PRKAR1B: variants seen among roughly 807,000 people sequenced by gnomAD.
PRKAR1B encodes cAMP-dependent protein kinase type I-beta regulatory subunit.
PRKAR1B carries 22 observed loss-of-function variants against 46.5 expected under a neutral mutation model. The ratio of observed to expected loss-of-function variants is 0.47; its 90% CI spans 0.34 to 0.68. PRKAR1B has a LOEUF of 0.68. Ranked by LOEUF, PRKAR1B falls within the 30% of genes least tolerant of loss-of-function variation. The pLI, the probability that PRKAR1B is intolerant of heterozygous loss-of-function variation, is 0.01. For synonymous variants in PRKAR1B, 259 were observed against 217.7 expected (o/e 1.19, Z -1.67); for missense variants, 445 against 535.6 (o/e 0.83, Z 1.67).
intron 2 of PRKAR1B, among the ~76,000 whole-genome samples, chr7:693,553 T>G (rs1308745194): frequency 6.6e-6 from 1 of 152,214 alleles, no homozygotes; most frequent in Non-Finnish European, 1.5e-5. Flanking sequence ...GTGTCCCAGG[T>G]TCGTCCGCGC....
At chr7:694,893 A>G (rs147128083) in intron 2 of PRKAR1B, among the ~76,000 whole-genome samples, 5,090 of 151,958 alleles carry the variant, frequency 0.033, 320 homozygotes, top group African/African-American at 0.12. Flanking sequence ...AAAATTAGCC[A>G]GGCGTGGTGG....
At chr7:589,485 T>C (rs920012799) in intron 7 of PRKAR1B, among the ~76,000 whole-genome samples, 18 of 151,830 alleles carry the variant, frequency 1.2e-4, no homozygotes, top group African/African-American at 4.4e-4. Flanking sequence ...CTCACTATGC[T>C]GAATGCTCCC....
chr7:682,692 G>A (rs553722248), intron 2 of PRKAR1B, among the ~76,000 whole-genome samples: 1 of 151,644 alleles, frequency 6.6e-6, no homozygotes, highest in South Asian at 2.1e-4. Flanking sequence ...GCAGTGAGCC[G>A]AGATCGTGCC....
At chr7:601,439 T>C (rs1781588657) in intron 6 of PRKAR1B, among the ~76,000 whole-genome samples, 1 of 152,240 alleles carries the variant, frequency 6.6e-6, no homozygotes, top group Non-Finnish European at 1.5e-5. Flanking sequence ...ATAATACATA[T>C]GCCCATAACT....
In PRKAR1B at chr7:633,201, A is replaced by T. The variant is rs138877374; in HGVS notation, c.441-25749T>A. Among the ~76,000 whole-genome samples the T allele has an allele frequency of 2.0e-3, 310 of 152,352 alleles. 1 individual carries two copies. The highest frequency in any genetic ancestry group is 7.2e-3 in the African/African-American group (301 of 41,580). The stretch of plus-strand genomic sequence containing the variant: ...CTCCAGGACATGATGTCAAATGAAA[A>T]ACACCAAGTGGAGAAAAGTGTGTCT... On this transcript the variant is annotated intron_variant, in intron 4 of 10. Coordinates refer to ENST00000537384, the MANE Select transcript of PRKAR1B (RefSeq NM_001164760.2).
At chr7:608,094 G>GT (rs1782213573) in intron 4 of PRKAR1B, 1 of 152,786 alleles carries the variant, frequency 6.5e-6, no homozygotes, top group African/African-American at 2.4e-5. Flanking sequence ...AGCTGGCAGA[G>GT]GCACCCGGGA....
intron 4 of PRKAR1B, among the ~76,000 whole-genome samples, chr7:655,271 C>T (rs186754419): frequency 7.9e-5 from 12 of 152,328 alleles, no homozygotes; most frequent in Non-Finnish European, 1.3e-4. Context: ...GCGCCTCTTC[C>T]TCTGTGTTTT....
chr7:678,369 C>T (rs746062989), intron 3 of PRKAR1B, among the ~76,000 whole-genome samples: 4 of 152,194 alleles, frequency 2.6e-5, no homozygotes, highest in Non-Finnish European at 5.9e-5. Context: ...CTGTCAACAA[C>T]CAAAACGTGG....
Position 629,383 on chromosome 7 carries a change from A to G in PRKAR1B, c.441-21931T>C, listed in dbSNP as rs866303142. 4.5e-3 allele frequency among the ~76,000 whole-genome samples: 485 copies of G among 107,826 alleles called. 12 individuals are homozygous for G. The highest frequency in any genetic ancestry group is 0.029 in the Middle Eastern group (4 of 136). 70.7% of individuals were successfully genotyped at this position (107,826 alleles called of 152,430 possible). A position where few individuals can be genotyped will look rare whatever the true frequency, so the allele number is the denominator to read the frequency against. ...GGCTGGAAAATGCTGCAGAAGCGGG[A>G]CCACGGCCTCCGAGGGCGCCACCAC... is the stretch of plus-strand genomic sequence containing the variant. On this transcript the variant is annotated intron_variant, in intron 4 of 10. Transcript: ENST00000537384.
At chr7:617,535 A>G (rs1782896056) in intron 4 of PRKAR1B, among the ~76,000 whole-genome samples, 2 of 152,070 alleles carry the variant, frequency 1.3e-5, no homozygotes, top group African/African-American at 2.4e-5. Context: ...GGCACAACCT[A>G]TTGCTTAGTC....
chr7:554,364 C>T (rs939158009), intron 9 of PRKAR1B, among the ~76,000 whole-genome samples: 1 of 152,276 alleles, frequency 6.6e-6, no homozygotes, highest in African/African-American at 2.4e-5. Flanking sequence ...TGCGGACAGA[C>T]GTCATCGATG....
At chr7:584,150 G>A (rs112676406) in intron 8 of PRKAR1B, among the ~76,000 whole-genome samples, 2,751 of 152,062 alleles carry the variant, frequency 0.018, 75 homozygotes, top group African/African-American at 0.061. Context: ...CACGTGTACC[G>A]GGAGCCAACA....
At chr7:687,021 C>T (rs1176469317) in intron 2 of PRKAR1B, among the ~76,000 whole-genome samples, 2 of 152,210 alleles carry the variant, frequency 1.3e-5, no homozygotes, top group African/African-American at 4.8e-5. Flanking sequence ...GACTGAATCT[C>T]AGCTCAAATC....
intron 2 of PRKAR1B, among the ~76,000 whole-genome samples, chr7:709,917 C>G (rs76708842): frequency 0.013 from 1,964 of 152,298 alleles, 17 homozygotes; most frequent in Admixed American, 0.025. Flanking sequence ...GCTGGGATTA[C>G]AGGTATAAGC....
At chr7:717,088 C>T (rs534506791) in intron 1 of PRKAR1B, among the ~76,000 whole-genome samples, 128 of 152,208 alleles carry the variant, frequency 8.4e-4, no homozygotes, top group African/African-American at 3.0e-3. Flanking sequence ...GCCAGGAGTT[C>T]GAGACCAGCC....
At chr7:711,572 G>A (rs1178376932) in intron 1 of PRKAR1B, 45 bp from the exon 2 acceptor site, 4 of 1,557,920 alleles carry the variant, frequency 2.6e-6, no homozygotes, top group East Asian at 2.3e-5. Context: ...AGCTGCCCGG[G>A]GCTGCGCGCC....
At chr7:551,920 A>G (rs1243934667) in intron 9 of PRKAR1B, among the ~76,000 whole-genome samples, 1 of 79,744 alleles carries the variant, frequency 1.3e-5, no homozygotes, top group East Asian at 4.1e-4. Flanking sequence ...TGCCACCACC[A>G]CGTCACCACC....
intron 8 of PRKAR1B, among the ~76,000 whole-genome samples, chr7:583,932 C>T (rs1780449469): frequency 6.6e-6 from 1 of 152,228 alleles, no homozygotes; most frequent in Admixed American, 6.5e-5. Flanking sequence ...ATAACTCAGG[C>T]TTCAGCAGCG....
At chr7:580,930 A>G (rs1435035436) in intron 8 of PRKAR1B, among the ~76,000 whole-genome samples, 1 of 152,128 alleles carries the variant, frequency 6.6e-6, no homozygotes, top group Non-Finnish European at 1.5e-5. Flanking sequence ...CACGAACCCC[A>G]GGGCCGGGCA....
Sources: gnomAD v4.1 joint callset for allele counts (sites outside exome capture counted in the v4.1 genomes callset) on GRCh38, gnomAD v4.1.1 for gene constraint, MANE v1.5 for transcripts, NCBI Gene and HGNC (gene_info 2026-07-23, HGNC 2026-07-21) for gene names.